SYNDIG1: variants seen among roughly 807,000 people sequenced by gnomAD.
SYNDIG1 encodes the protein synapse differentiation inducing 1, also known as synapse differentiation-inducing gene protein 1.
In SYNDIG1, 9 loss-of-function variants were observed where a neutral mutation model predicts 19.4. The observed-to-expected ratio is 0.46, with a 90% confidence interval of 0.28 to 0.81. SYNDIG1 has a LOEUF of 0.81. SYNDIG1 is among the 30% of genes least tolerant of loss of function. The pLI is 0.12. For missense variants in SYNDIG1, 311 were observed against 343.3 expected, an observed-to-expected ratio of 0.91 and a Z score of 0.74; for synonymous variants, 141 against 145.9, an observed-to-expected ratio of 0.97 and a Z score of 0.24.
rs551270312 is a variant in SYNDIG1 at position 24,565,455 on chromosome 20, T to C, written c.481-19401T>C. Among the ~76,000 whole-genome samples, 7 of 152,240 alleles carry C rather than the reference T, an allele frequency of 4.6e-5. No individual in the cohort carries two copies. In the East Asian group the frequency reaches 1.4e-3, roughly 29 times the overall value. ...CTGGGACAGGATGGGGGACGGGGCA[T>C]CTGTAACTTGAGGTCCCAGCAGACA... On this transcript the variant is annotated intron_variant, in intron 2 of 3. Transcript: ENST00000376862.
At chr20:24,633,924 C>A (rs1278720012) in intron 3 of SYNDIG1, among the ~76,000 whole-genome samples, 1 of 152,228 alleles carries the variant, frequency 6.6e-6, no homozygotes, top group Non-Finnish European at 1.5e-5. Flanking sequence ...CCTGCCCTCC[C>A]AGGTCACCTG....
chr20:24,483,436 CATTT>C (rs750231863), intron 1 of SYNDIG1, among the ~76,000 whole-genome samples: 3 of 152,232 alleles, frequency 2.0e-5, no homozygotes, highest in Non-Finnish European at 4.4e-5. Flanking sequence ...CTCTCTCTCT[CATTT>C]GACTGAAAAT....
At chr20:24,585,657 A>G (rs982021675) in intron 3 of SYNDIG1, among the ~76,000 whole-genome samples, 6 of 152,226 alleles carry the variant, frequency 3.9e-5, no homozygotes, top group African/African-American at 1.4e-4. Flanking sequence ...TTCTCTAGCA[A>G]GTTCAGAGTA....
chr20:24,478,435 G>A (rs138974390), intron 1 of SYNDIG1, among the ~76,000 whole-genome samples: 288 of 152,342 alleles, frequency 1.9e-3, no homozygotes, highest in Non-Finnish European at 3.4e-3. Flanking sequence ...CCAACGTGCC[G>A]TCCAGCCTCA....
chr20:24,596,421 C>T, intron 3 of SYNDIG1, among the ~76,000 whole-genome samples: 1 of 152,034 alleles, frequency 6.6e-6, no homozygotes, highest in South Asian at 2.1e-4. Flanking sequence ...CTCTGTCACC[C>T]AGGCTGTAGT....
intron 3 of SYNDIG1, among the ~76,000 whole-genome samples, chr20:24,635,394 G>A (rs1017400349): frequency 2.0e-5 from 3 of 152,086 alleles, no homozygotes; most frequent in East Asian, 1.9e-4. Flanking sequence ...CTTTCCGAAC[G>A]CGCTCTTCAT....
chr20:24,647,359 A>AG, intron 3 of SYNDIG1, among the ~76,000 whole-genome samples: 1 of 152,318 alleles, frequency 6.6e-6, no homozygotes, highest in Non-Finnish European at 1.5e-5. Context: ...CATGCGGCAG[A>AG]ATCGGGGGAA....
intron 3 of SYNDIG1, among the ~76,000 whole-genome samples, chr20:24,601,351 T>C (rs1258640469): frequency 6.6e-6 from 1 of 152,240 alleles, no homozygotes; most frequent in African/African-American, 2.4e-5. Context: ...TCCCTTTTTC[T>C]GTTCTCTGAA....
At chr20:24,496,110 G>T (rs2056298674) in intron 1 of SYNDIG1, among the ~76,000 whole-genome samples, 1 of 152,194 alleles carries the variant, frequency 6.6e-6, no homozygotes, top group Admixed American at 6.5e-5. Flanking sequence ...CTCCCAAAGT[G>T]CTGGGATTGC....
intron 2 of SYNDIG1, among the ~76,000 whole-genome samples, chr20:24,547,680 C>G (rs907298922): frequency 2.0e-5 from 3 of 152,234 alleles, no homozygotes; most frequent in African/African-American, 7.2e-5. Flanking sequence ...TATGTGAACA[C>G]TGCTTCATCC....
intron 1 of SYNDIG1, among the ~76,000 whole-genome samples, chr20:24,538,475 A>G (rs1225244793): frequency 8.7e-6 from 1 of 115,312 alleles, no homozygotes; most frequent in African/African-American, 3.0e-5. Flanking sequence ...CATTGAATGT[A>G]GATAGCACAT....
At chr20:24,617,780 G>A (rs895820089) in intron 3 of SYNDIG1, among the ~76,000 whole-genome samples, 3 of 150,674 alleles carry the variant, frequency 2.0e-5, no homozygotes, top group Non-Finnish European at 4.4e-5. Flanking sequence ...CTGGGAGAGG[G>A]GAGAGCCCGG....
chr20:24,659,090 T>A, intron 3 of SYNDIG1, among the ~76,000 whole-genome samples: 1 of 152,156 alleles, frequency 6.6e-6, no homozygotes, highest in East Asian at 1.9e-4. Context: ...TCTGTACTGC[T>A]GAGCGTGGCA....
intron 1 of SYNDIG1, among the ~76,000 whole-genome samples, chr20:24,537,835 T>G (rs999494981): frequency 6.6e-6 from 1 of 152,130 alleles, no homozygotes; most frequent in Non-Finnish European, 1.5e-5. Flanking sequence ...CTTGACTTTC[T>G]GCTGTCATCT....
Position 24,543,283 on chromosome 20 carries a change from G to A in SYNDIG1, c.186G>A (p.Leu62=), listed in dbSNP as rs1360852344. The A allele has an allele frequency of 8.7e-6, 14 of 1,613,638 alleles. No individual in the cohort carries two copies. In the South Asian group the frequency reaches 1.4e-4, roughly 16 times the overall value. ...RVGASTVPAS[L]DSSRSEPMQQ... Reference sequence around the variant, plus strand: ...GGGCCAGCACAGTGCCGGCCAGCCTGGACAGCAGCAGGAGTGAGCCGATGC... The same window carrying A: ...GGGCCAGCACAGTGCCGGCCAGCCTAGACAGCAGCAGGAGTGAGCCGATGC... The change falls in exon 2 of 4, where the codon CTG becomes CTA. Residue 62 remains leucine, a synonymous_variant. Transcript: ENST00000376862.
intron 1 of SYNDIG1, among the ~76,000 whole-genome samples, chr20:24,529,969 T>TGGTGTCAGTGGTGGG (rs1568614677): frequency 4.2e-3 from 5 of 1,204 alleles, no homozygotes; most frequent in South Asian, 0.04. Context: ...TTGGGAATAA[T>TGGTGTCAGTGGTGGG]GATGGTGATG....
At position 24,547,911 on chromosome 20, in the gene SYNDIG1, T is replaced by G. The variant is rs2057612550; in HGVS notation, c.480+4334T>G. Reference sequence around the variant, plus strand: ...GCCCTTAGAGATGGTGACCAGATGTTGAATGGCACTTACCTGTGGCAATGC... The same window carrying G: ...GCCCTTAGAGATGGTGACCAGATGTGGAATGGCACTTACCTGTGGCAATGC... On this transcript the variant is annotated intron_variant, in intron 2 of 3. Coordinates refer to ENST00000376862, the MANE Select transcript of SYNDIG1 (RefSeq NM_024893.3). 2.6e-5 allele frequency among the ~76,000 whole-genome samples: 4 copies of G among 152,264 alleles called. No individual in the cohort carries two copies. The South Asian group carries it at 8.3e-4, about 32-fold the overall frequency.
chr20:24,560,029 CTT>C (rs56884793), intron 2 of SYNDIG1, among the ~76,000 whole-genome samples: 3,244 of 88,794 alleles, frequency 0.037, 253 homozygotes, highest in African/African-American at 0.12. Flanking sequence ...ATTTCTTTGA[CTT>C]TTTTTTTTTT....
chr20:24,475,035 T>C (rs2055577165), intron 1 of SYNDIG1, among the ~76,000 whole-genome samples: 1 of 152,172 alleles, frequency 6.6e-6, no homozygotes, highest in African/African-American at 2.4e-5. Flanking sequence ...ATGCCCCCAC[T>C]TAGAAAAGCA....
Sources: gnomAD v4.1 joint callset for allele counts (sites outside exome capture counted in the v4.1 genomes callset) on GRCh38, gnomAD v4.1.1 for gene constraint, MANE v1.5 for transcripts, NCBI Gene and HGNC (gene_info 2026-07-23, HGNC 2026-07-21) for gene names.